KIF15: variants seen among roughly 807,000 people sequenced by gnomAD.
The protein encoded by KIF15 is kinesin-like protein KIF15.
In KIF15, 140 loss-of-function variants were observed where a neutral mutation model predicts 190.6. The observed-to-expected ratio is 0.73, with a 90% confidence interval of 0.64 to 0.84. KIF15 has a LOEUF of 0.84. Ranked by LOEUF, KIF15 falls within the 40% of genes least tolerant of loss-of-function variation. The pLI is 0.00. For missense variants in KIF15, 1,372 were observed against 1,584.4 expected, an observed-to-expected ratio of 0.87 and a Z score of 2.28; for synonymous variants, 528 against 551.3, an observed-to-expected ratio of 0.96 and a Z score of 0.59.
intron 17 of KIF15, among the ~76,000 whole-genome samples, chr3:44,811,658 A>C (rs1212777500): frequency 6.6e-6 from 1 of 152,222 alleles, no homozygotes; most frequent in Non-Finnish European, 1.5e-5. Flanking sequence ...AAAAAAAGAA[A>C]GTTAAAAGAA....
rs140313680 is a variant in KIF15, at chr3:44,843,168, A to C, written c.3629A>C (p.Gln1210Pro). 14 of 1,613,666 alleles carry C rather than the reference A, an allele frequency of 8.7e-6. No homozygotes were observed. Among genetic ancestry groups the C allele is most frequent in the Non-Finnish European group, 1.2e-5 (14 of 1,179,762 alleles). Residue 1210 changes from glutamine to proline, a missense_variant, in exon 30 of 35, where the codon CAG (glutamine) becomes CCG (proline). Coordinates refer to ENST00000326047, the MANE Select transcript of KIF15 (RefSeq NM_020242.3). ...EMENLRLESQ[Q>P]LIEKNWLLQG... ...GAAAACCTACGCCTGGAAAGTCAGC[A>C]GTTAATAGAGAAAAACTGGCTCCTG... is the stretch of plus-strand genomic sequence containing the variant.
At chr3:44,787,509 C>T (rs1252761559) in intron 7 of KIF15, among the ~76,000 whole-genome samples, 1 of 151,568 alleles carries the variant, frequency 6.6e-6, no homozygotes, top group Non-Finnish European at 1.5e-5. Context: ...CTCTTGATTC[C>T]AGCTGTTTAA....
At chr3:44,855,621 G>A (rs1012788504), downstream of KIF15, among the ~76,000 whole-genome samples, 10 of 152,186 alleles carry the variant, frequency 6.6e-5, no homozygotes, top group East Asian at 1.9e-4. Context: ...TAGGGGCGGC[G>A]TGGGAACCTA....
chr3:44,826,511 C>T (rs769631928), intron 22 of KIF15, 51 bp downstream of exon 22: 5 of 1,229,730 alleles, frequency 4.1e-6, no homozygotes, highest in Non-Finnish European at 4.6e-6. Flanking sequence ...TGTTTAATAC[C>T]ACATTCTTAA....
chr3:44,829,733 TA>T (rs919908799), intron 24 of KIF15, among the ~76,000 whole-genome samples: 7 of 138,520 alleles, frequency 5.1e-5, no homozygotes, highest in Non-Finnish European at 9.1e-5. Context: ...TAGATGTATA[TA>T]TTATATATGT....
chr3:44,805,753 T>C (rs1298985595), intron 15 of KIF15, 92 bp from the exon 16 acceptor site: 1 of 1,156,424 alleles, frequency 8.6e-7, no homozygotes, highest in Non-Finnish European at 1.2e-6. Context: ...GAGATAACTA[T>C]AAAGTTATGT....
In KIF15 at chr3:44,828,230, A is replaced by C. The variant is rs1697783038; in HGVS notation, c.2873A>C (p.Lys958Thr). The C allele has an allele frequency of 6.2e-7, 1 of 1,613,258 alleles. No homozygotes were observed. Among genetic ancestry groups the C allele is most frequent in the Non-Finnish European group, 8.5e-7 (1 of 1,179,396 alleles). ...KCEQQMAKVQ[K>T]LEESLLATEK... ...TCACCATAGATGGCAAAAGTACAGA[A>C]ACTAGAAGAGAGCTTGCTTGCTACT... Residue 958 changes from lysine to threonine, a missense_variant, in exon 24 of 35, where the codon AAA (lysine) becomes ACA (threonine). By Grantham distance (78) the Lys-to-Thr change is moderately conservative. Transcript: ENST00000326047.
At chr3:44,776,417 A>G (rs1271134889) in intron 3 of KIF15, among the ~76,000 whole-genome samples, 1 of 150,438 alleles carries the variant, frequency 6.6e-6, no homozygotes, top group Non-Finnish European at 1.5e-5. Flanking sequence ...GCAAGACTCT[A>G]TCTCTTAAAA....
At chr3:44,804,954 A>C in intron 14 of KIF15, 73 bp from the exon 15 acceptor site, 1 of 1,492,396 alleles carries the variant, frequency 6.7e-7, no homozygotes, top group South Asian at 1.3e-5. Flanking sequence ...ACTGCACTCT[A>C]GCCTGGGCAA....
chr3:44,789,645 TATATATATATATATATATATATATATATA>T (rs1706579751), intron 7 of KIF15, among the ~76,000 whole-genome samples: 2 of 3,026 alleles, frequency 6.6e-4, no homozygotes, highest in Non-Finnish European at 1.1e-3. Context: ...TCTAATTTTA[TATATATATATATATATATATATATATATA>T]TATATATATA....
chr3:44,791,793 A>G (rs750219195), intron 7 of KIF15, among the ~76,000 whole-genome samples: 6 of 152,024 alleles, frequency 3.9e-5, no homozygotes, highest in Admixed American at 2.6e-4. Context: ...TCTCAGCTCA[A>G]TGCAACCTCC....
intron 26 of KIF15, among the ~76,000 whole-genome samples, chr3:44,831,454 A>T (rs1698069126): frequency 6.6e-6 from 1 of 152,140 alleles, no homozygotes; most frequent in African/African-American, 2.4e-5. Context: ...AACTTCCTAT[A>T]ACTGACCCCT....
At chr3:44,841,349 G>A in intron 29 of KIF15, 111 bp downstream of exon 29, 1 of 718,012 alleles carries the variant, frequency 1.4e-6, no homozygotes, top group Non-Finnish European at 2.3e-6. Flanking sequence ...CCCAGTATCT[G>A]GCACTATAGG....
intron 20 of KIF15, among the ~76,000 whole-genome samples, chr3:44,823,312 C>T (rs1296248789): frequency 2.0e-5 from 3 of 152,176 alleles, no homozygotes; most frequent in African/African-American, 7.2e-5. Context: ...ACTCCAGACC[C>T]TGTTTGCCTG....
At chr3:44,822,947 T>G (rs1697427992) in intron 20 of KIF15, among the ~76,000 whole-genome samples, 1 of 152,222 alleles carries the variant, frequency 6.6e-6, no homozygotes. Context: ...GCATTGGGTT[T>G]GAACATGGTC....
chr3:44,835,464 ACTCCTAAACCCAAGTGAT>A (rs1471789740), intron 26 of KIF15, among the ~76,000 whole-genome samples: 1 of 151,886 alleles, frequency 6.6e-6, no homozygotes, highest in Non-Finnish European at 1.5e-5. Flanking sequence ...CTGGTCTCGA[ACTCCTAAACCCAAGTGAT>A]CCTCCCCTGC....
At chr3:44,766,897 G>A (rs943763604) in intron 1 of KIF15, among the ~76,000 whole-genome samples, 12 of 137,350 alleles carry the variant, frequency 8.7e-5, no homozygotes, top group Non-Finnish European at 9.1e-5. Flanking sequence ...TGCAAGCTCC[G>A]CCTCCTGGGT....
chr3:44,864,301 C>T (rs757656959), intron 6 of KIF15: 59 of 1,614,068 alleles, frequency 3.7e-5, no homozygotes, highest in Non-Finnish European at 5.0e-5. Context: ...TGTCTTCAGC[C>T]ATTGCATCTG....
intron 26 of KIF15, among the ~76,000 whole-genome samples, chr3:44,833,478 C>G (rs1249057912): frequency 6.6e-6 from 1 of 151,834 alleles, no homozygotes; most frequent in Non-Finnish European, 1.5e-5. Context: ...AGTGACAAAT[C>G]ATCAGGCATT....
Sources: gnomAD v4.1 joint callset for allele counts (sites outside exome capture counted in the v4.1 genomes callset) on GRCh38, gnomAD v4.1.1 for gene constraint, MANE v1.5 for transcripts, NCBI Gene and HGNC (gene_info 2026-07-23, HGNC 2026-07-21) for gene names.